The following MRPS6 variants were observed in gnomAD, a reference collection of about 807,000 sequenced individuals.
MRPS6 encodes small ribosomal subunit protein bS6m.
MRPS6 carries 6 observed loss-of-function variants against 13.1 expected under a neutral mutation model. That is an observed-to-expected ratio of 0.46 (90% CI 0.25 to 0.91). MRPS6 has a LOEUF of 0.91. Among genes scored for constraint, MRPS6 ranks in the 40% least tolerant of loss-of-function variants. MRPS6 has a pLI of 0.18. For missense variants in MRPS6, 164 were observed against 155.6 expected (o/e 1.05, Z -0.29); for synonymous variants, 61 against 56.5 (o/e 1.08, Z -0.36).
chr21:34,104,909 A>C, intron 1 of MRPS6: 6 of 1,000,214 alleles, frequency 6.0e-6, no homozygotes, highest in Non-Finnish European at 7.2e-6. Flanking sequence ...AATGCCTTTC[A>C]TCTATAATTT....
chr21:34,135,977 T>G (rs1455216652), intron 2 of MRPS6: 2 of 344,850 alleles, frequency 5.8e-6, no homozygotes, highest in Non-Finnish European at 1.1e-5. Context: ...ATATCATCAT[T>G]TGTGCTGCAT....
At chr21:34,095,863 C>T in intron 1 of MRPS6, 3 of 1,614,018 alleles carry the variant, frequency 1.9e-6, no homozygotes, top group Non-Finnish European at 2.5e-6. Flanking sequence ...TTGGCCTCAC[C>T]CGATGTCACT....
chr21:34,076,230 G>A (rs537374187), intron 1 of MRPS6, among the ~76,000 whole-genome samples: 1 of 152,304 alleles, frequency 6.6e-6, no homozygotes. Context: ...TCAGCCTGGA[G>A]AGCATTCTTA....
intron 2 of MRPS6, among the ~76,000 whole-genome samples, chr21:34,129,451 C>CT: frequency 6.6e-6 from 1 of 152,202 alleles, no homozygotes; most frequent in Non-Finnish European, 1.5e-5. Flanking sequence ...TATAAGAACT[C>CT]TTAAGTAGAA....
At chr21:34,101,602 A>G in intron 1 of MRPS6, 1 of 1,000,120 alleles carries the variant, frequency 1.0e-6, no homozygotes, top group Non-Finnish European at 1.2e-6. Flanking sequence ...TTCTACACCT[A>G]GTCTTTTCAG....
chr21:34,126,773 C>G (rs1303570522), intron 2 of MRPS6, among the ~76,000 whole-genome samples: 1 of 152,186 alleles, frequency 6.6e-6, no homozygotes, highest in Non-Finnish European at 1.5e-5. Context: ...TGTAGTACTT[C>G]CAGGGGTTTC....
At chr21:34,092,770 C>G (rs187909717) in intron 1 of MRPS6, among the ~76,000 whole-genome samples, 7 of 152,176 alleles carry the variant, frequency 4.6e-5, no homozygotes, top group South Asian at 2.1e-4. Flanking sequence ...TATTTCCCCC[C>G]CAACGGCCAG....
chr21:34,142,042 C>A (rs1189012459), intron 2 of MRPS6, among the ~76,000 whole-genome samples: 1 of 152,160 alleles, frequency 6.6e-6, no homozygotes, highest in Non-Finnish European at 1.5e-5. Flanking sequence ...ACACACACAA[C>A]ATTAATGAAT....
In MRPS6 at chr21:34,112,672, C is replaced by T. The variant is rs116070080; in HGVS notation, c.46-12669C>T. Among the ~76,000 whole-genome samples the T allele has an allele frequency of 5.5e-3, 837 of 152,214 alleles. 6 individuals are homozygous for T. Among genetic ancestry groups the T allele is most frequent in the African/African-American group, 0.019 (790 of 41,532 alleles). On this transcript the variant is annotated intron_variant, in intron 1 of 2. Coordinates refer to ENST00000399312, the MANE Select transcript of MRPS6 (RefSeq NM_032476.4). ...ATTCTGGACACTTTAAAAAATATTC[C>T]TCTGTCTATGATTATATATCATTTG... is the stretch of plus-strand genomic sequence containing the variant.
At chr21:34,101,714 T>C in intron 1 of MRPS6, 1 of 996,790 alleles carries the variant, frequency 1.0e-6, no homozygotes, top group Non-Finnish European at 1.2e-6. Flanking sequence ...TATTGAGGAC[T>C]TTTAGATCCA....
intron 1 of MRPS6, among the ~76,000 whole-genome samples, chr21:34,075,583 G>A (rs1256398124): frequency 5.3e-5 from 8 of 152,198 alleles, no homozygotes; most frequent in Non-Finnish European, 1.0e-4. Context: ...AGATAATAAA[G>A]GTGAACTGCC....
chr21:34,082,365 C>T (rs187421896), intron 1 of MRPS6, among the ~76,000 whole-genome samples: 30 of 152,236 alleles, frequency 2.0e-4, no homozygotes, highest in African/African-American at 6.5e-4. Context: ...AGAGCTGCAC[C>T]GTGTAAACTG....
chr21:34,134,763 C>CA (rs1569425620), intron 2 of MRPS6, among the ~76,000 whole-genome samples: 1 of 152,056 alleles, frequency 6.6e-6, no homozygotes, highest in Non-Finnish European at 1.5e-5. Context: ...AAGCCGTACT[C>CA]AAATACCCAA....
At position 34,107,421 on chromosome 21, in the gene MRPS6, A is replaced by G. The variant is rs182607596; in HGVS notation, c.46-17920A>G. On this transcript the variant is annotated intron_variant, in intron 1 of 2. Transcript: ENST00000399312. ...TGTTGTCCCATTATCGATGATACTA[A>G]CTTTGATCTTGGTTAAGGTGGTGTC... 2.6e-5 allele frequency among the ~76,000 whole-genome samples: 4 copies of G among 152,294 alleles called. No homozygotes were observed. The East Asian group carries it at 7.7e-4, about 29-fold the overall frequency.
At chr21:34,073,768 C>G (rs762879285) in intron 1 of MRPS6, 23 bp downstream of exon 1, 3 of 1,475,932 alleles carry the variant, frequency 2.0e-6, no homozygotes, top group Non-Finnish European at 2.7e-6. Context: ...CCCTCAGAGC[C>G]GGTCTTCCCG....
intron 2 of MRPS6, among the ~76,000 whole-genome samples, chr21:34,142,091 T>A (rs907803966): frequency 6.6e-6 from 1 of 152,226 alleles, no homozygotes; most frequent in Admixed American, 6.5e-5. Flanking sequence ...ATTAGAAGTT[T>A]TCCCCCATGC....
chr21:34,132,417 C>T (rs1480275394), intron 2 of MRPS6, among the ~76,000 whole-genome samples: 1 of 152,030 alleles, frequency 6.6e-6, no homozygotes, highest in Non-Finnish European at 1.5e-5. Flanking sequence ...CTGTGCATGC[C>T]GGCTTGTGCT....
chr21:34,104,030 C>T (rs1168394876), intron 1 of MRPS6: 1 of 999,902 alleles, frequency 1.0e-6, no homozygotes, highest in Non-Finnish European at 1.2e-6. Context: ...CAGTGCCCCC[C>T]CAAACATGCA....
intron 1 of MRPS6, among the ~76,000 whole-genome samples, chr21:34,119,304 C>A (rs1052916920): frequency 6.6e-6 from 1 of 152,224 alleles, no homozygotes; most frequent in Non-Finnish European, 1.5e-5. Context: ...AGCCACTTTC[C>A]ATGACACCCA....
Sources: allele counts gnomAD v4.1 joint callset (sites outside exome capture counted in the v4.1 genomes callset), GRCh38; gene constraint gnomAD v4.1.1; transcripts MANE v1.5; gene names NCBI Gene and HGNC (gene_info 2026-07-23, HGNC 2026-07-21).